CABCOCO1: variants seen among roughly 807,000 people sequenced by gnomAD.
CABCOCO1 encodes ciliary associated calcium binding coiled-coil 1, also known as ciliary-associated calcium-binding coiled-coil protein 1.
Under a neutral mutation model 35.7 loss-of-function variants are expected in CABCOCO1, and 28 were observed. The ratio of observed to expected loss-of-function variants is 0.78; its 90% CI spans 0.58 to 1.07. CABCOCO1 has a LOEUF of 1.07. CABCOCO1 is among the 50% of genes least tolerant of loss of function. The pLI is 0.00. For synonymous variants in CABCOCO1, 95 were observed against 100.1 expected (o/e 0.95, Z 0.30); for missense variants, 326 against 309.2 (o/e 1.05, Z -0.41).
chr10:61,663,077 G>C (rs1233930426), intron 1 of CABCOCO1, 45 bp downstream of exon 1: 1 of 235,408 alleles, frequency 4.2e-6, no homozygotes, highest in Non-Finnish European at 9.7e-6. Context: ...CGGTACCAGA[G>C]ACCTCCGAGC....
intron 5 of CABCOCO1, among the ~76,000 whole-genome samples, chr10:61,692,003 A>G (rs2131997167): frequency 6.6e-6 from 1 of 152,322 alleles, no homozygotes. Flanking sequence ...CTTTGGGTAT[A>G]TACCTAGTAA....
intron 7 of CABCOCO1, 94 bp downstream of exon 7, chr10:61,761,097 C>T: frequency 7.6e-7 from 1 of 1,314,558 alleles, no homozygotes; most frequent in Non-Finnish European, 1.1e-6. Flanking sequence ...ACACTGCCAG[C>T]ATGAGCGATG....
intron 5 of CABCOCO1, among the ~76,000 whole-genome samples, chr10:61,729,128 T>C (rs1191552928): frequency 6.6e-6 from 1 of 152,176 alleles, no homozygotes; most frequent in Non-Finnish European, 1.5e-5. Context: ...TAAGACATAA[T>C]ATAATATTTT....
chr10:61,730,856 G>A (rs560061714), intron 5 of CABCOCO1, among the ~76,000 whole-genome samples: 47 of 151,626 alleles, frequency 3.1e-4, no homozygotes, highest in Admixed American at 8.6e-4. Flanking sequence ...ATTAAGAAAC[G>A]TCAGACAGCC....
At chr10:61,763,619 G>A (rs1329612139) in intron 7 of CABCOCO1, among the ~76,000 whole-genome samples, 1 of 151,938 alleles carries the variant, frequency 6.6e-6, no homozygotes, top group African/African-American at 2.4e-5. Context: ...TTGGCTGTTG[G>A]CCCTGTGGAA....
At chr10:61,702,131 A>G (rs562122713) in intron 5 of CABCOCO1, among the ~76,000 whole-genome samples, 1 of 152,210 alleles carries the variant, frequency 6.6e-6, no homozygotes, top group Non-Finnish European at 1.5e-5. Flanking sequence ...AATAGGTTAC[A>G]TCTTCATTGA....
At chr10:61,702,205 C>T (rs1344029572) in intron 5 of CABCOCO1, among the ~76,000 whole-genome samples, 1 of 152,070 alleles carries the variant, frequency 6.6e-6, no homozygotes, top group Non-Finnish European at 1.5e-5. Flanking sequence ...GTTTAAAGCA[C>T]TAGAAGGGAA....
At chr10:61,708,754 C>G (rs1564543156) in intron 5 of CABCOCO1, among the ~76,000 whole-genome samples, 1 of 152,150 alleles carries the variant, frequency 6.6e-6, no homozygotes, top group Non-Finnish European at 1.5e-5. Flanking sequence ...GAGATGGGAA[C>G]ATTCAGACCA....
chr10:61,755,024 G>T (rs2132085535), intron 5 of CABCOCO1, among the ~76,000 whole-genome samples: 1 of 152,240 alleles, frequency 6.6e-6, no homozygotes, highest in South Asian at 2.1e-4. Context: ...AGTCAAAAAT[G>T]CAAAGGAGGA....
intron 3 of CABCOCO1, among the ~76,000 whole-genome samples, chr10:61,682,652 G>A (rs564919591): frequency 1.3e-5 from 2 of 152,228 alleles, no homozygotes; most frequent in South Asian, 4.1e-4. Flanking sequence ...ATTAACTTAT[G>A]CCAGTCATAG....
intron 2 of CABCOCO1, 100 bp downstream of exon 2, chr10:61,672,835 G>T: frequency 2.5e-6 from 2 of 798,734 alleles, no homozygotes; most frequent in Non-Finnish European, 3.0e-6. Context: ...CACAATATTT[G>T]TTATGATATT....
chr10:61,675,837 G>C (rs957661292), intron 2 of CABCOCO1, among the ~76,000 whole-genome samples: 1 of 151,984 alleles, frequency 6.6e-6, no homozygotes, highest in Non-Finnish European at 1.5e-5. Context: ...TGAAAATCAA[G>C]TCAGTAATGT....
intron 5 of CABCOCO1, among the ~76,000 whole-genome samples, chr10:61,698,393 C>G (rs918797667): frequency 6.6e-6 from 1 of 152,124 alleles, no homozygotes; most frequent in African/African-American, 2.4e-5. Context: ...ACAGATTGTG[C>G]AGCCATTGGT....
chr10:61,692,681 CT>C (rs1840183075), intron 5 of CABCOCO1, among the ~76,000 whole-genome samples: 2 of 152,236 alleles, frequency 1.3e-5, no homozygotes, highest in Admixed American at 6.5e-5. Flanking sequence ...CATTTGGGTA[CT>C]TGTTCTAATG....
intron 2 of CABCOCO1, among the ~76,000 whole-genome samples, chr10:61,680,695 T>TACATACATACATACATACATAC (rs1253812633): frequency 2.0e-5 from 1 of 49,334 alleles, no homozygotes; most frequent in African/African-American, 1.3e-4. Context: ...ATGTATAACA[T>TACATACATACATACATACATAC]ATATATGTTA....
Position 61,760,249 on chromosome 10 carries a change from G to A in CABCOCO1, c.675+68G>A, listed in dbSNP as rs149752966. 179 of 1,510,018 alleles carry A rather than the reference G, an allele frequency of 1.2e-4. No homozygotes were observed. In the African/African-American group the frequency reaches 1.5e-3, roughly 13 times the overall value. 93.5% of individuals were successfully genotyped at this position (1,510,018 alleles called of 1,614,324 possible). On this transcript the variant is annotated intron_variant, in intron 6 of 7. Transcript: ENST00000648843. Reference sequence around the variant, plus strand: ...ATATTCTCTTGGGGTGGGAGGAAACGAACTAAATGTTTTCTTCATTTTCTT... The same window carrying A: ...ATATTCTCTTGGGGTGGGAGGAAACAAACTAAATGTTTTCTTCATTTTCTT...
chr10:61,760,497 C>T (rs1841987415), intron 6 of CABCOCO1, among the ~76,000 whole-genome samples: 1 of 152,002 alleles, frequency 6.6e-6, no homozygotes, highest in African/African-American at 2.4e-5. Flanking sequence ...AAATCTCCCC[C>T]CAGATTGACA....
rs1229720733 is a variant in CABCOCO1 at position 61,746,468 on chromosome 10, G to C, written c.553-13591G>C. On this transcript the variant is annotated intron_variant, in intron 5 of 7. Coordinates refer to ENST00000648843, the MANE Select transcript of CABCOCO1 (RefSeq NM_001366906.2). ...ACATGCTTATATATTCTGAATGGCT[G>C]TAATCTATCATGGCTGGTGCTTGGT... Among the ~76,000 whole-genome samples the C allele has an allele frequency of 6.2e-4, 94 of 152,182 alleles. 2 individuals are homozygous for C. The highest frequency in any genetic ancestry group is 1.4e-3 in the Non-Finnish European group (92 of 68,032).
At position 61,662,940 on chromosome 10, in the gene CABCOCO1, G is replaced by A. The variant is rs933274800; in HGVS notation, c.-33G>A. 8 of 389,228 alleles carry A rather than the reference G, an allele frequency of 2.1e-5. No individual in the cohort carries two copies. The highest frequency in any genetic ancestry group is 3.2e-5 in the Non-Finnish European group (6 of 185,656). The allele number at this position is 389,228 out of a possible 1,614,324, so 24.1% of individuals were successfully genotyped here. A position where few individuals can be genotyped will look rare whatever the true frequency, so the allele number is the denominator to read the frequency against. Reference sequence around the variant, plus strand: ...GCCCCACCCCAGTTGCCTAGGTGACGAGGGGCCGCTTCTCTCGGCCGAGAT... The same window carrying A: ...GCCCCACCCCAGTTGCCTAGGTGACAAGGGGCCGCTTCTCTCGGCCGAGAT... On this transcript the variant is annotated 5_prime_UTR_variant, in exon 1 of 8. Transcript: ENST00000648843.
Sources: allele counts gnomAD v4.1 joint callset (sites outside exome capture counted in the v4.1 genomes callset), GRCh38; gene constraint gnomAD v4.1.1; transcripts MANE v1.5; gene names NCBI Gene and HGNC (gene_info 2026-07-23, HGNC 2026-07-21).